The following IMMP2L variants were observed in gnomAD, a reference collection of about 807,000 sequenced individuals.
The protein encoded by IMMP2L is mitochondrial inner membrane protease subunit 2.
IMMP2L carries 18 observed loss-of-function variants against 19.3 expected under a neutral mutation model. The ratio of observed to expected loss-of-function variants is 0.93; its 90% confidence interval spans 0.64 to 1.38. The LOEUF is 1.38. Ranked by LOEUF, IMMP2L falls within the 40% of genes most tolerant of loss-of-function variation. The pLI is 0.00. For missense variants in IMMP2L, 233 were observed against 218.2 expected (o/e 1.07, Z -0.43); for synonymous variants, 76 against 73.0 (o/e 1.04, Z -0.21).
chr7:111,136,361 T>C (rs1475451889), intron 3 of IMMP2L, among the ~76,000 whole-genome samples: 1 of 152,132 alleles, frequency 6.6e-6, no homozygotes, highest in Non-Finnish European at 1.5e-5. Flanking sequence ...TAGGAGTAAA[T>C]AGATTTTTCC....
chr7:111,305,538 G>T (rs1413186819), intron 3 of IMMP2L, among the ~76,000 whole-genome samples: 2 of 150,772 alleles, frequency 1.3e-5, no homozygotes, highest in African/African-American at 2.4e-5. Flanking sequence ...GCAGTGGCAC[G>T]ATCTCAGCTC....
At chr7:110,982,774 C>T (rs1821436787) in intron 3 of IMMP2L, among the ~76,000 whole-genome samples, 1 of 152,102 alleles carries the variant, frequency 6.6e-6, no homozygotes, top group African/African-American at 2.4e-5. Flanking sequence ...TCAACTACAA[C>T]AAATGGATAA....
At chr7:110,918,983 A>G (rs1314245834) in intron 4 of IMMP2L, among the ~76,000 whole-genome samples, 1 of 152,192 alleles carries the variant, frequency 6.6e-6, no homozygotes, top group Non-Finnish European at 1.5e-5. Flanking sequence ...AAACCCCAAA[A>G]GATAATTGAG....
chr7:110,788,680 C>G lies in IMMP2L; in HGVS notation c.408+97913G>C, dbSNP rs188496981. 7.8e-4 allele frequency among the ~76,000 whole-genome samples: 118 copies of G among 151,754 alleles called. 3 individuals are homozygous for G. The East Asian group carries it at 0.017, about 22-fold the overall frequency. The stretch of plus-strand genomic sequence containing the variant: ...TATAGATATCACAAATACAACAATG[C>G]CAAAATCGAATTAATTTTGCGCTCC... On this transcript the variant is annotated intron_variant, in intron 5 of 5. Coordinates refer to ENST00000405709, the MANE Select transcript of IMMP2L (RefSeq NM_032549.4).
At chr7:111,236,420 C>T (rs1440259449) in intron 3 of IMMP2L, among the ~76,000 whole-genome samples, 1 of 152,086 alleles carries the variant, frequency 6.6e-6, no homozygotes, top group East Asian at 1.9e-4. Flanking sequence ...CACTACTAGG[C>T]AATATTCTTC....
At chr7:110,761,659 A>T (rs1798356091) in intron 5 of IMMP2L, among the ~76,000 whole-genome samples, 1 of 152,146 alleles carries the variant, frequency 6.6e-6, no homozygotes, top group Admixed American at 6.6e-5. Flanking sequence ...AACCTCATTG[A>T]CATGTATTGT....
At chr7:110,857,559 A>T (rs1806925055) in intron 5 of IMMP2L, among the ~76,000 whole-genome samples, 1 of 152,146 alleles carries the variant, frequency 6.6e-6, no homozygotes, top group Admixed American at 6.6e-5. Context: ...TGTTAAAAAT[A>T]TAGATTCCTG....
At chr7:110,979,941 G>C (rs1309329198) in intron 3 of IMMP2L, among the ~76,000 whole-genome samples, 2 of 152,200 alleles carry the variant, frequency 1.3e-5, no homozygotes, top group East Asian at 3.9e-4. Flanking sequence ...TTACACTTCA[G>C]TAAAGCCACT....
intron 4 of IMMP2L, among the ~76,000 whole-genome samples, chr7:110,918,537 C>A (rs1054844968): frequency 6.7e-6 from 1 of 149,764 alleles, no homozygotes; most frequent in Non-Finnish European, 1.5e-5. Flanking sequence ...CTCACTGCAA[C>A]CTCTGCCTCC....
intron 3 of IMMP2L, among the ~76,000 whole-genome samples, chr7:111,168,156 TA>T (rs1700436301): frequency 6.6e-6 from 1 of 152,024 alleles, no homozygotes; most frequent in South Asian, 2.1e-4. Context: ...ATGTTGTCTG[TA>T]AAAATGGACT....
intron 5 of IMMP2L, among the ~76,000 whole-genome samples, chr7:110,692,497 T>TAAA (rs71891270): frequency 2.0e-4 from 30 of 150,824 alleles, no homozygotes; most frequent in African/African-American, 2.2e-4. Context: ...GCTATTGAAA[T>TAAA]AAAAAAAAAG....
chr7:111,500,529 C>A (rs1254737817), intron 2 of IMMP2L, among the ~76,000 whole-genome samples: 1 of 152,162 alleles, frequency 6.6e-6, no homozygotes, highest in African/African-American at 2.4e-5. Context: ...CCCTGACTCC[C>A]AAGCAGCCTA....
intron 5 of IMMP2L, among the ~76,000 whole-genome samples, chr7:110,704,287 A>C (rs1439974388): frequency 3.9e-5 from 6 of 152,236 alleles, no homozygotes; most frequent in Non-Finnish European, 5.9e-5. Context: ...TTGCTGAATA[A>C]GAAAAATTGA....
chr7:110,665,775 C>T (rs1238910537), intron 5 of IMMP2L, among the ~76,000 whole-genome samples: 1 of 152,082 alleles, frequency 6.6e-6, no homozygotes, highest in Non-Finnish European at 1.5e-5. Flanking sequence ...CTAGATTTCT[C>T]CATCATAAAT....
At chr7:111,332,271 A>G (rs561322515) in intron 3 of IMMP2L, among the ~76,000 whole-genome samples, 1 of 152,098 alleles carries the variant, frequency 6.6e-6, no homozygotes, top group African/African-American at 2.4e-5. Flanking sequence ...AGGTTACTAG[A>G]GAAAGAAGCC....
intron 3 of IMMP2L, among the ~76,000 whole-genome samples, chr7:111,119,017 C>G (rs752258443): frequency 1.6e-4 from 24 of 152,218 alleles, no homozygotes; most frequent in Non-Finnish European, 3.2e-4. Flanking sequence ...AGGATAATTT[C>G]AAAAAGTGGC....
chr7:111,204,509 T>C (rs1810490803), intron 3 of IMMP2L, among the ~76,000 whole-genome samples: 1 of 152,178 alleles, frequency 6.6e-6, no homozygotes, highest in South Asian at 2.1e-4. Context: ...TATTAGCACA[T>C]AAGCATAAAG....
At chr7:111,165,208 A>T (rs1032035543) in intron 3 of IMMP2L, among the ~76,000 whole-genome samples, 2 of 152,072 alleles carry the variant, frequency 1.3e-5, no homozygotes, top group African/African-American at 4.8e-5. Flanking sequence ...TTCACTTGGC[A>T]TAATGGCCTG....
chr7:111,407,181 T>C (rs1326444457), intron 3 of IMMP2L, among the ~76,000 whole-genome samples: 6 of 151,900 alleles, frequency 3.9e-5, no homozygotes, highest in African/African-American at 1.2e-4. Flanking sequence ...GTGGGGAAAA[T>C]AGAACCCTCA....
Sources: gnomAD v4.1 joint callset for allele counts (sites outside exome capture counted in the v4.1 genomes callset) on GRCh38, gnomAD v4.1.1 for gene constraint, MANE v1.5 for transcripts, NCBI Gene and HGNC (gene_info 2026-07-23, HGNC 2026-07-21) for gene names.